APBA2: variants seen among roughly 807,000 people sequenced by gnomAD.
APBA2 encodes amyloid-beta A4 precursor protein-binding family A member 2.
A neutral mutation model predicts 75.0 loss-of-function variants in APBA2; 30 were observed. The ratio of observed to expected loss-of-function variants is 0.40; its 90% CI spans 0.30 to 0.54. The LOEUF is 0.54. Ranked by LOEUF, APBA2 falls within the 20% of genes least tolerant of loss-of-function variation. The probability of loss-of-function intolerance (pLI) is 0.49; values close to 1 mark genes in which losing one functional copy is unlikely to be tolerated. For synonymous variants in APBA2, 444 were observed against 409.6 expected, an observed-to-expected ratio of 1.08 and a Z score of -1.01; for missense variants, 801 against 1,016.1, an observed-to-expected ratio of 0.79 and a Z score of 2.88.
At chr15:28,963,319 G>T (rs982600198) in intron 2 of APBA2, among the ~76,000 whole-genome samples, 9 of 152,238 alleles carry the variant, frequency 5.9e-5, no homozygotes, top group Admixed American at 1.3e-4. Context: ...GGAAAGTCAT[G>T]CAGCTCAGGC....
intron 3 of APBA2, among the ~76,000 whole-genome samples, chr15:29,025,468 C>G (rs1239951617): frequency 1.5e-5 from 2 of 132,242 alleles, no homozygotes. Context: ...AGGTTTTCAC[C>G]GTGTTAGCCA....
At chr15:29,061,905 C>G (rs2042144231) in intron 4 of APBA2, among the ~76,000 whole-genome samples, 2 of 152,134 alleles carry the variant, frequency 1.3e-5, no homozygotes, top group Admixed American at 1.3e-4. Context: ...TTGTTGGCAC[C>G]CAGGCGCCCC....
At chr15:28,949,085 G>A (rs2035707932) in intron 2 of APBA2, among the ~76,000 whole-genome samples, 1 of 151,980 alleles carries the variant, frequency 6.6e-6, no homozygotes, top group Admixed American at 6.6e-5. Context: ...ACCGAGAAGG[G>A]AGGAGAGCAA....
chr15:29,110,331 T>G (rs572050043), intron 13 of APBA2, among the ~76,000 whole-genome samples: 1 of 152,174 alleles, frequency 6.6e-6, no homozygotes, highest in Non-Finnish European at 1.5e-5. Flanking sequence ...TGCCCCTGCC[T>G]GGCTAAACCT....
chr15:28,890,437 C>A (rs1262001579), intron 1 of APBA2, among the ~76,000 whole-genome samples: 3 of 152,242 alleles, frequency 2.0e-5, no homozygotes, highest in African/African-American at 7.2e-5. Flanking sequence ...AGATTCCCTT[C>A]CCACTCCATC....
At chr15:28,886,520 C>A (rs1291609431) in intron 1 of APBA2, among the ~76,000 whole-genome samples, 2 of 44,706 alleles carry the variant, frequency 4.5e-5, no homozygotes, top group African/African-American at 2.2e-4. Context: ...GGTGGGCGGG[C>A]GGGGCGGGGA....
chr15:29,090,973 C>G (rs927451828), intron 6 of APBA2, among the ~76,000 whole-genome samples: 2 of 152,156 alleles, frequency 1.3e-5, no homozygotes, highest in Non-Finnish European at 2.9e-5. Flanking sequence ...ACACTTCACT[C>G]TGAAGAAGCG....
chr15:29,089,582 T>C (rs1286972793), intron 6 of APBA2, among the ~76,000 whole-genome samples: 1 of 152,090 alleles, frequency 6.6e-6, no homozygotes, highest in Non-Finnish European at 1.5e-5. Flanking sequence ...ACCACCCATG[T>C]TCAGGATAAT....
At chr15:29,088,376 G>A (rs560273256) in intron 6 of APBA2, among the ~76,000 whole-genome samples, 8 of 152,136 alleles carry the variant, frequency 5.3e-5, no homozygotes, top group Non-Finnish European at 1.2e-4. Flanking sequence ...GAGTCCAGCC[G>A]CCTACTGAGC....
At chr15:29,045,146 C>G (rs186698862) in intron 3 of APBA2, among the ~76,000 whole-genome samples, 5 of 148,748 alleles carry the variant, frequency 3.4e-5, no homozygotes, top group South Asian at 2.2e-4. Context: ...GGCGTGATCT[C>G]GGCTCACTGC....
rs1216246118 is a variant in APBA2, at chr15:29,101,754, G to A, written c.1494G>A (p.Lys498=). 1 of 1,613,604 alleles carries A rather than the reference G, an allele frequency of 6.2e-7. No individual in the cohort carries two copies. Among genetic ancestry groups the A allele is most frequent in the Non-Finnish European group, 8.5e-7 (1 of 1,180,000 alleles). The change falls in exon 10 of 15, where the codon AAG becomes AAA. Residue 498 remains lysine, a synonymous_variant. Coordinates refer to ENST00000683413, the MANE Select transcript of APBA2 (RefSeq NM_001353788.2). ...CCCAGGAAGGCAAGAAGCAGTATAA[G>A]ATGATCTGCCATGTGTTCGAGTCGG... The part of the protein sequence containing the change: ...PGAQEGKKQY[K]MICHVFESED...
rs372298403 is a variant in APBA2 at position 29,114,010 on chromosome 15, C to T, written c.2172C>T (p.Val724=). ...TAGTCCAAGCTCTGTCCAACTCGGTCGGAGAGGTAAGGAGGGACTTTGAGT... is the reference window on the plus strand; with the variant it reads ...TAGTCCAAGCTCTGTCCAACTCGGTTGGAGAGGTAAGGAGGGACTTTGAGT... ...EKIVQALSNS[V]GEIHMKTMPA... Residue 724 remains valine (V), a synonymous_variant, in exon 14 of 15, where the codon GTC becomes GTT. Coordinates refer to ENST00000683413, the MANE Select transcript of APBA2 (RefSeq NM_001353788.2). 14 of 1,613,686 alleles carry T rather than the reference C, an allele frequency of 8.7e-6. No homozygotes were observed. The highest frequency in any genetic ancestry group is 6.7e-5 in the Admixed American group (4 of 60,006).
At chr15:29,030,272 A>C (rs2040422838) in intron 3 of APBA2, among the ~76,000 whole-genome samples, 1 of 152,086 alleles carries the variant, frequency 6.6e-6, no homozygotes, top group African/African-American at 2.4e-5. Flanking sequence ...ATCCTGGCTA[A>C]CATGGTGAAA....
chr15:28,897,890 T>C (rs1275039119), intron 1 of APBA2, among the ~76,000 whole-genome samples: 1 of 152,166 alleles, frequency 6.6e-6, no homozygotes, highest in Non-Finnish European at 1.5e-5. Context: ...TGTTACTTTA[T>C]GTGGTAGTGG....
intron 2 of APBA2, among the ~76,000 whole-genome samples, chr15:28,955,610 G>C (rs955636655): frequency 1.3e-5 from 2 of 152,258 alleles, no homozygotes; most frequent in Admixed American, 1.3e-4. Flanking sequence ...TTTCTTCTGA[G>C]TAATTAAGAG....
chr15:29,059,757 G>A (rs138406624), intron 4 of APBA2, among the ~76,000 whole-genome samples: 53 of 152,246 alleles, frequency 3.5e-4, no homozygotes, highest in African/African-American at 1.2e-3. Context: ...TCAACTCAGT[G>A]CTCAGGGCAG....
chr15:29,053,912 G>A lies in APBA2; in HGVS notation c.28G>A (p.Gly10Arg), dbSNP rs771845389. The change falls in exon 4 of 15, where the codon GGG becomes AGG. Residue 10 changes from glycine (G) to arginine (R), a missense_variant. Physicochemically the swap from Gly to Arg is moderately radical, Grantham distance 125. Around this residue, in one of 2 missense-constraint regions of APBA2, gnomAD observed 434 missense variants for 471.6 expected, o/e 0.92. Coordinates refer to ENST00000683413, the MANE Select transcript of APBA2 (RefSeq NM_001353788.2). MAHRKLESV[G>R]SGMLDHRVRP... The stretch of plus-strand genomic sequence containing the variant: ...GGCCCACCGGAAGCTTGAGAGCGTG[G>A]GGAGCGGCATGTTGGACCATAGGGT... The A allele has an allele frequency of 3.1e-6, 5 of 1,612,706 alleles. No individual in the cohort carries two copies. The highest frequency in any genetic ancestry group is 4.2e-6 in the Non-Finnish European group (5 of 1,178,926).
intron 3 of APBA2, among the ~76,000 whole-genome samples, chr15:29,013,252 C>T (rs1428106900): frequency 6.8e-6 from 1 of 146,638 alleles, no homozygotes; most frequent in Non-Finnish European, 1.5e-5. Flanking sequence ...GATGTTATGT[C>T]ATATAGGAAA....
At chr15:29,062,981 A>C (rs1490161300) in intron 4 of APBA2, among the ~76,000 whole-genome samples, 31 of 58,070 alleles carry the variant, frequency 5.3e-4, no homozygotes, top group Admixed American at 1.8e-3. Context: ...ATGGGTGGGG[A>C]GGGGAGTTGA....
Sources: gnomAD v4.1 joint callset for allele counts (sites outside exome capture counted in the v4.1 genomes callset) on GRCh38, gnomAD v4.1.1 for gene constraint, gnomAD v4.1.1 regional missense constraint, MANE v1.5 for transcripts, NCBI Gene and HGNC (gene_info 2026-07-23, HGNC 2026-07-21) for gene names.